COL5A2: variants seen among roughly 807,000 people sequenced by gnomAD.
The protein encoded by COL5A2 is collagen alpha-2(V) chain.
In COL5A2, 23 loss-of-function variants were observed where a neutral mutation model predicts 208.2. That is an observed-to-expected ratio of 0.11 (90% CI 0.08 to 0.16). The LOEUF is 0.16. Among genes scored for constraint, COL5A2 ranks in the 10% least tolerant of loss-of-function variants. The probability of loss-of-function intolerance (pLI) is 1.00; values close to 1 mark genes in which losing one functional copy is unlikely to be tolerated. For synonymous variants in COL5A2, 625 were observed against 628.5 expected (o/e 0.99, Z 0.08); for missense variants, 1,590 against 1,956.4 (o/e 0.81, Z 3.53).
chr2:189,261,306 C>A, the COL5A2 span, among the ~76,000 whole-genome samples: 3 of 152,232 alleles, frequency 2.0e-5, no homozygotes, highest in Middle Eastern at 3.4e-3. Context: ...CTGATATCTA[C>A]ATACATATGT....
chr2:189,298,021 T>G, the COL5A2 span, among the ~76,000 whole-genome samples: 1 of 152,216 alleles, frequency 6.6e-6, no homozygotes, highest in Admixed American at 6.5e-5. Context: ...AAACTCAATC[T>G]AAACTTTCTT....
chr2:189,212,344 A>G (rs1689223849), intron 1 of COL5A2, among the ~76,000 whole-genome samples: 1 of 152,136 alleles, frequency 6.6e-6, no homozygotes. Context: ...TCTCCTGTGA[A>G]TTCTTAAAAC....
the COL5A2 span, among the ~76,000 whole-genome samples, chr2:189,403,944 G>T: frequency 2.0e-5 from 3 of 152,044 alleles, no homozygotes; most frequent in South Asian, 4.2e-4. Flanking sequence ...TGTTGGCCAG[G>T]ATGGTCTCAA....
chr2:189,125,131 T>C (rs997937762), intron 1 of COL5A2, among the ~76,000 whole-genome samples: 1 of 152,166 alleles, frequency 6.6e-6, no homozygotes, highest in African/African-American at 2.4e-5. Context: ...TTTTCATGAC[T>C]GGACCATATT....
upstream of COL5A2, among the ~76,000 whole-genome samples, chr2:189,226,952 A>T (rs1689428633): frequency 6.6e-6 from 1 of 152,152 alleles, no homozygotes; most frequent in Non-Finnish European, 1.5e-5. Flanking sequence ...CCACCATAGG[A>T]TGGCAGACAT....
intron 50 of COL5A2, among the ~76,000 whole-genome samples, chr2:189,040,100 T>C (rs1323029062): frequency 6.6e-6 from 1 of 152,132 alleles, no homozygotes; most frequent in Non-Finnish European, 1.5e-5. Flanking sequence ...TCCTTTTATG[T>C]GCATTAATTC....
chr2:189,058,386 A>T, intron 33 of COL5A2, 43 bp downstream of exon 33: 1 of 1,454,574 alleles, frequency 6.9e-7, no homozygotes, highest in Non-Finnish European at 9.7e-7. Context: ...TTAAGCAGTA[A>T]TTTTAAAGCA....
intron 50 of COL5A2, among the ~76,000 whole-genome samples, chr2:189,039,867 T>C (rs914590203): frequency 2.5e-4 from 38 of 152,196 alleles, no homozygotes; most frequent in Admixed American, 6.5e-5. Context: ...TATTTTATGT[T>C]AATAGCATGC....
At chr2:189,270,174 CA>C in the COL5A2 span, among the ~76,000 whole-genome samples, 9 of 151,972 alleles carry the variant, frequency 5.9e-5, no homozygotes, top group African/African-American at 1.9e-4. Context: ...TTGATCTTTT[CA>C]AAAAACCAGC....
the COL5A2 span, among the ~76,000 whole-genome samples, chr2:189,245,858 T>C: frequency 6.6e-6 from 1 of 152,196 alleles, no homozygotes; most frequent in Non-Finnish European, 1.5e-5. Flanking sequence ...TTTCTTCTAT[T>C]GATGTCATTA....
chr2:189,322,775 C>T, the COL5A2 span, among the ~76,000 whole-genome samples: 8 of 152,174 alleles, frequency 5.3e-5, no homozygotes, highest in South Asian at 8.3e-4. Flanking sequence ...CCATTCCTTC[C>T]GAAACTACTC....
At chr2:189,093,745 A>G (rs944233072) in intron 6 of COL5A2, among the ~76,000 whole-genome samples, 13 of 152,164 alleles carry the variant, frequency 8.5e-5, no homozygotes, top group Non-Finnish European at 1.9e-4. Flanking sequence ...ACTACTAACA[A>G]TTTACTTCAC....
chr2:189,055,048 G>A (rs1242985175), intron 35 of COL5A2, among the ~76,000 whole-genome samples: 1 of 151,802 alleles, frequency 6.6e-6, no homozygotes, highest in Non-Finnish European at 1.5e-5. Flanking sequence ...CACCACACCC[G>A]GCTAATTTTT....
chr2:189,294,043 A>T, the COL5A2 span, among the ~76,000 whole-genome samples: 1 of 149,792 alleles, frequency 6.7e-6, no homozygotes, highest in African/African-American at 2.5e-5. Flanking sequence ...AGCTGAGATC[A>T]TGACACTGCA....
At chr2:189,310,241 T>TA in the COL5A2 span, among the ~76,000 whole-genome samples, 5 of 151,996 alleles carry the variant, frequency 3.3e-5, no homozygotes, top group South Asian at 8.3e-4. Flanking sequence ...AACAATCCAA[T>TA]AAAAAAACCG....
chr2:189,056,151 A>G (rs1368459171), intron 35 of COL5A2, among the ~76,000 whole-genome samples: 3 of 152,320 alleles, frequency 2.0e-5, no homozygotes, highest in South Asian at 2.1e-4. Flanking sequence ...TGTATTAACA[A>G]TGACTCAATG....
rs768965999 is a variant in COL5A2 at position 189,078,608 on chromosome 2, A to G, written c.1006-39T>C. The G allele has an allele frequency of 5.2e-6, 8 of 1,532,302 alleles. 1 individual carries two copies. In the Admixed American group the frequency reaches 6.7e-5, roughly 13 times the overall value. The allele number at this position is 1,532,302 out of a possible 1,614,324, so 94.9% of individuals were successfully genotyped here. ...AGAAGAAATGTCTCTTGAAGCACCT[A>G]ATTTGAAATGTAGAGTAGTCTGACT... is the stretch of plus-strand genomic sequence containing the variant. On this transcript the variant is annotated intron_variant, in intron 15 of 53. Coordinates refer to ENST00000374866, the MANE Select transcript of COL5A2 (RefSeq NM_000393.5).
At chr2:189,398,256 T>C in the COL5A2 span, among the ~76,000 whole-genome samples, 4 of 152,296 alleles carry the variant, frequency 2.6e-5, no homozygotes, top group Admixed American at 2.6e-4. Context: ...CTTCAGTTGC[T>C]GAGTGCAGTC....
chr2:189,358,801 T>A, the COL5A2 span, among the ~76,000 whole-genome samples: 1 of 152,208 alleles, frequency 6.6e-6, no homozygotes, highest in Non-Finnish European at 1.5e-5. Context: ...CTTCTTTGAT[T>A]AAATTTATTC....
Sources: allele counts gnomAD v4.1 joint callset (sites outside exome capture counted in the v4.1 genomes callset), GRCh38; gene constraint gnomAD v4.1.1; transcripts MANE v1.5; gene names NCBI Gene and HGNC (gene_info 2026-07-23, HGNC 2026-07-21).